Variants in FAF2 observed in about 807,000 individuals in gnomAD.
The protein encoded by FAF2 is Fas associated factor family member 2.
Under a neutral mutation model 62.3 loss-of-function variants are expected in FAF2, and 9 were observed. The ratio of observed to expected loss-of-function variants is 0.14; its 90% CI spans 0.09 to 0.25. The LOEUF is 0.25. FAF2 is among the 10% of genes least tolerant of loss of function. The pLI is 1.00. For missense variants in FAF2, 368 were observed against 556.2 expected, an observed-to-expected ratio of 0.66 and a Z score of 3.40; for synonymous variants, 202 against 198.0, an observed-to-expected ratio of 1.02 and a Z score of -0.17.
chr5:176,472,730 A>G (rs1303174203), intron 1 of FAF2, among the ~76,000 whole-genome samples: 3 of 151,588 alleles, frequency 2.0e-5, no homozygotes, highest in Non-Finnish European at 2.9e-5. Context: ...AAAAAAAAAA[A>G]AAAAAGAAAA....
At chr5:176,498,865 A>G in intron 8 of FAF2, 49 bp from the exon 9 acceptor site, 1 of 1,470,842 alleles carries the variant, frequency 6.8e-7, no homozygotes, top group Non-Finnish European at 9.1e-7. Context: ...AAAACACAGA[A>G]CTTTGTGAGA....
chr5:176,477,307 T>G (rs2963686), intron 1 of FAF2, among the ~76,000 whole-genome samples: 105,635 of 136,534 alleles, frequency 0.77, 40,987 homozygotes, highest in East Asian at 0.82. Flanking sequence ...GGCTGGTCTC[T>G]AACTCCTGAC....
chr5:176,490,765 ATC>A (rs1238908107), intron 4 of FAF2, among the ~76,000 whole-genome samples: 4 of 152,172 alleles, frequency 2.6e-5, no homozygotes, highest in Non-Finnish European at 5.9e-5. Flanking sequence ...CTAAGTTGAC[ATC>A]TCTGTTTTTT....
chr5:176,470,432 C>T (rs990226297), intron 1 of FAF2, among the ~76,000 whole-genome samples: 2 of 152,228 alleles, frequency 1.3e-5, no homozygotes, highest in African/African-American at 4.8e-5. Flanking sequence ...GCAAAATTAG[C>T]GGGGCGTGGT....
intron 1 of FAF2, among the ~76,000 whole-genome samples, chr5:176,473,830 C>T (rs1758616585): frequency 6.6e-6 from 1 of 152,162 alleles, no homozygotes; most frequent in African/African-American, 2.4e-5. Flanking sequence ...TATTGAACTC[C>T]TGGCCTCAAG....
intron 3 of FAF2, among the ~76,000 whole-genome samples, chr5:176,486,726 A>C (rs1010948885): frequency 6.6e-6 from 1 of 151,974 alleles, no homozygotes; most frequent in Non-Finnish European, 1.5e-5. Flanking sequence ...CTGCCTCTTA[A>C]GTTACAATTT....
intron 1 of FAF2, among the ~76,000 whole-genome samples, chr5:176,466,979 G>A (rs1032162180): frequency 4.6e-5 from 7 of 152,134 alleles, no homozygotes; most frequent in African/African-American, 1.7e-4. Flanking sequence ...GTAATTAAAT[G>A]CAGTGCTCTC....
At chr5:176,488,815 C>A in intron 3 of FAF2, 136 bp from the exon 4 acceptor site, 2 of 656,980 alleles carry the variant, frequency 3.0e-6, no homozygotes, top group Non-Finnish European at 5.4e-6. Context: ...GATGAGGTGG[C>A]CAGGAAGAAG....
At position 176,465,358 on chromosome 5, in the gene FAF2, T is replaced by TTTTC. The variant is rs1197353220; in HGVS notation, c.64-13822_64-13819dup. Among the ~76,000 whole-genome samples, 108 of 140,128 alleles carry TTTTC rather than the reference T, an allele frequency of 7.7e-4. 1 individual carries two copies. Among genetic ancestry groups the TTTTC allele is most frequent in the African/African-American group, 2.8e-3 (101 of 36,376 alleles). 91.9% of individuals were successfully genotyped at this position (140,128 alleles called of 152,430 possible). On this transcript the variant is annotated intron_variant, in intron 1 of 10. Transcript: ENST00000261942. ...TACAATAAAGAAACTGAAATTTTCT[T>TTTTC]TTTCTTTCTTTTTTTTTTTTTTTTT...
intron 2 of FAF2, among the ~76,000 whole-genome samples, chr5:176,484,453 C>G: frequency 1.3e-5 from 2 of 152,258 alleles, no homozygotes; most frequent in East Asian, 3.9e-4. Flanking sequence ...AGTTAGTAGC[C>G]GTTATCAGAT....
chr5:176,502,696 C>T (rs1755615138), intron 10 of FAF2, among the ~76,000 whole-genome samples: 1 of 152,172 alleles, frequency 6.6e-6, no homozygotes, highest in Non-Finnish European at 1.5e-5. Flanking sequence ...ACCAACCATT[C>T]ATTAACTATT....
chr5:176,456,582 G>T (rs1177559858), intron 1 of FAF2, among the ~76,000 whole-genome samples: 8 of 149,902 alleles, frequency 5.3e-5, no homozygotes, highest in African/African-American at 2.0e-4. Context: ...CCACCCCTTG[G>T]CCTCCCAAAG....
chr5:176,504,803 A>G (rs1462046468), intron 10 of FAF2, among the ~76,000 whole-genome samples: 1 of 152,154 alleles, frequency 6.6e-6, no homozygotes, highest in African/African-American at 2.4e-5. Context: ...TAAATTCTGG[A>G]TTATAGCCCT....
In FAF2 at chr5:176,494,049, T is replaced by A; in HGVS notation, c.534T>A (p.His178Gln). Reference protein sequence around the residue: ...RELRFLLVYLHGDDHQDSDEF... With the variant: ...RELRFLLVYLQGDDHQDSDEF... The stretch of plus-strand genomic sequence containing the variant: ...TTCGCTTTCTTTTGGTTTATCTTCA[T>A]GGAGATGATCACCAGGACTCTGATG... The change falls in exon 6 of 11, where the codon CAT becomes CAA. Residue 178 changes from histidine (H) to glutamine (Q), a missense_variant. His to Gln is a conservative substitution (Grantham distance 24). Around this residue, in one of 2 missense-constraint regions of FAF2, gnomAD observed 331 missense variants for 441.9 expected, o/e 0.75. Coordinates refer to ENST00000261942, the MANE Select transcript of FAF2 (RefSeq NM_014613.3). This position sits in a 1 kb window ranked among gnomAD's most constrained non-coding sequence, Gnocchi z 4.0. 6.2e-7 allele frequency: 1 copy of A among 1,614,054 alleles called. No homozygotes were observed. Among genetic ancestry groups the A allele is most frequent in the Non-Finnish European group, 8.5e-7 (1 of 1,179,910 alleles).
At chr5:176,455,197 C>G (rs1758260720) in intron 1 of FAF2, among the ~76,000 whole-genome samples, 1 of 152,128 alleles carries the variant, frequency 6.6e-6, no homozygotes, top group African/African-American at 2.4e-5. Context: ...TTGCACTACA[C>G]TTAAGGAAAT....
chr5:176,448,509 G>A (rs1311657525), intron 1 of FAF2, 39 bp downstream of exon 1: 2 of 1,561,746 alleles, frequency 1.3e-6, no homozygotes, highest in Admixed American at 1.9e-5. Flanking sequence ...GCCTCCGTGG[G>A]ATGGGGAGTA....
chr5:176,498,664 A>T (rs572880622), intron 8 of FAF2, among the ~76,000 whole-genome samples: 1 of 152,180 alleles, frequency 6.6e-6, no homozygotes, highest in Non-Finnish European at 1.5e-5. Context: ...TTAGGGGAAA[A>T]GTTTTATTTT....
chr5:176,502,834 G>A (rs1348315074), intron 10 of FAF2, among the ~76,000 whole-genome samples: 1 of 152,026 alleles, frequency 6.6e-6, no homozygotes, highest in Non-Finnish European at 1.5e-5. Context: ...CGGATCACAA[G>A]GTCAGGAGTT....
intron 1 of FAF2, among the ~76,000 whole-genome samples, chr5:176,448,855 T>TGACAG (rs1356996487): frequency 3.3e-5 from 5 of 152,296 alleles, no homozygotes; most frequent in Middle Eastern, 3.4e-3. Flanking sequence ...TTCGGGTCTC[T>TGACAG]GACAGGAAAA....
Sources: allele counts gnomAD v4.1 joint callset (sites outside exome capture counted in the v4.1 genomes callset), GRCh38; gene constraint gnomAD v4.1.1; regional missense constraint gnomAD v4.1.1; non-coding constraint Gnocchi (gnomAD v3.1); transcripts MANE v1.5; gene names NCBI Gene and HGNC (gene_info 2026-07-23, HGNC 2026-07-21).